The following NIPA1 variants were observed in gnomAD, a reference collection of about 807,000 sequenced individuals.
NIPA1 encodes the protein magnesium transporter NIPA1.
NIPA1 carries 13 observed loss-of-function variants against 23.9 expected under a neutral mutation model. That is an observed-to-expected ratio of 0.54 (90% CI 0.35 to 0.87). The LOEUF (loss-of-function observed/expected upper bound fraction) is 0.87, where lower values mean the gene tolerates loss of function less well. Ranked by LOEUF, NIPA1 falls within the 40% of genes least tolerant of loss-of-function variation. NIPA1 has a pLI of 0.01. For synonymous variants in NIPA1, 234 were observed against 202.9 expected, an observed-to-expected ratio of 1.15 and a Z score of -1.30; for missense variants, 362 against 429.7, an observed-to-expected ratio of 0.84 and a Z score of 1.39.
At chr15:22,786,342 A>AC (rs1427120752), upstream of NIPA1, 1 of 152,756 alleles carries the variant, frequency 6.5e-6, no homozygotes, top group African/African-American at 2.4e-5. Context: ...TGCAGAGGAC[A>AC]CCACTCAGAA....
At chr15:22,810,918 C>A in intron 2 of NIPA1, 122 bp downstream of exon 2, 1 of 804,814 alleles carries the variant, frequency 1.2e-6, no homozygotes, top group Non-Finnish European at 2.2e-6. Flanking sequence ...GTCGCGTGGC[C>A]TCTCCCCAGG....
intron 1 of NIPA1, among the ~76,000 whole-genome samples, chr15:22,798,335 G>T (rs1335494404): frequency 1.3e-5 from 2 of 148,892 alleles, no homozygotes; most frequent in African/African-American, 2.5e-5. Flanking sequence ...CGCTTCCCGG[G>T]TTCACACCAT....
intron 1 of NIPA1, among the ~76,000 whole-genome samples, chr15:22,793,572 C>G (rs1054051333): frequency 2.6e-5 from 4 of 151,826 alleles, no homozygotes; most frequent in African/African-American, 9.7e-5. Context: ...TCCCGAGTAG[C>G]TGGGACTACA....
At chr15:22,800,703 C>T (rs1422706491) in intron 1 of NIPA1, among the ~76,000 whole-genome samples, 1 of 151,884 alleles carries the variant, frequency 6.6e-6, no homozygotes, top group East Asian at 1.9e-4. Flanking sequence ...CCGAGGTGGG[C>T]ATATCACAAG....
intron 1 of NIPA1, among the ~76,000 whole-genome samples, chr15:22,801,795 G>A (rs574223498): frequency 6.6e-6 from 1 of 152,180 alleles, no homozygotes; most frequent in African/African-American, 2.4e-5. Flanking sequence ...GATTACAGGC[G>A]TGAGCCACTG....
At chr15:22,816,143 G>T (rs1016181188) in intron 3 of NIPA1, among the ~76,000 whole-genome samples, 1 of 149,224 alleles carries the variant, frequency 6.7e-6, no homozygotes, top group African/African-American at 2.5e-5. Flanking sequence ...GAAAGGAAAG[G>T]AAGAATTTAA....
chr15:22,812,966 C>T (rs1442784663), intron 3 of NIPA1, among the ~76,000 whole-genome samples: 1 of 152,162 alleles, frequency 6.6e-6, no homozygotes, highest in Non-Finnish European at 1.5e-5. Flanking sequence ...ACAGTCCCCA[C>T]CTCAGCCCAG....
At chr15:22,799,364 A>G (rs147070709) in intron 1 of NIPA1, among the ~76,000 whole-genome samples, 9 of 152,318 alleles carry the variant, frequency 5.9e-5, no homozygotes, top group African/African-American at 9.6e-5. Context: ...AGCTAAACAC[A>G]TAGACATAAA....
rs1055901739 is a variant in NIPA1, at chr15:22,808,541, A to G, written c.179-2208A>G. ...CAGTGTCCATCAGGCTTATCTATAAAGATAACTTTTTCTGTTCATAATTAA... is the reference window on the plus strand; with the variant it reads ...CAGTGTCCATCAGGCTTATCTATAAGGATAACTTTTTCTGTTCATAATTAA... On this transcript the variant is annotated intron_variant, in intron 1 of 4. Coordinates refer to ENST00000337435, the MANE Select transcript of NIPA1 (RefSeq NM_144599.5). 3.5e-4 allele frequency among the ~76,000 whole-genome samples: 53 copies of G among 152,346 alleles called. 1 individual carries two copies. The highest frequency in any genetic ancestry group is 1.3e-3 in the African/African-American group (53 of 41,580).
intron 1 of NIPA1, among the ~76,000 whole-genome samples, chr15:22,801,170 C>G (rs1338756405): frequency 6.6e-6 from 1 of 152,040 alleles, no homozygotes; most frequent in African/African-American, 2.4e-5. Context: ...GAGCTTGTCC[C>G]CCTGTTAGAT....
In NIPA1 at chr15:22,827,543, C is replaced by T. The variant is rs530983460; in HGVS notation, c.*3304C>T. On this transcript the variant is annotated 3_prime_UTR_variant, in exon 5 of 5. Transcript: ENST00000337435. ...TATCAGAATGTTAGTGAATATACTTCGCAGCTCTTTGTTCAGCAATAAGGA... is the reference window on the plus strand; with the variant it reads ...TATCAGAATGTTAGTGAATATACTTTGCAGCTCTTTGTTCAGCAATAAGGA... 4 of 152,296 alleles carry T rather than the reference C, an allele frequency of 2.6e-5. No homozygotes were observed. The highest frequency in any genetic ancestry group is 4.8e-5 in the African/African-American group (2 of 41,566). The allele number at this position is 152,296 out of a possible 1,614,324, so 9.4% of individuals were successfully genotyped here. A position where few individuals can be genotyped will look rare whatever the true frequency, so the allele number is the denominator to read the frequency against.
At position 22,786,788 on chromosome 15, in the gene NIPA1, C is replaced by T. The variant is rs1250958777; in HGVS notation, c.132C>T (p.Ser44=). Residue 44 remains serine, a synonymous_variant, in exon 1 of 5, where the codon TCC becomes TCT. Coordinates refer to ENST00000337435, the MANE Select transcript of NIPA1 (RefSeq NM_144599.5). The part of the protein sequence containing the change: ...VAVVSSLVNG[S]TFVLQKKGIV... ...TCGTGTCGAGCCTGGTGAACGGGTC[C>T]ACGTTCGTGCTACAGAAGAAGGGCA... The T allele has an allele frequency of 1.5e-6, 2 of 1,316,212 alleles. No homozygotes were observed. The highest frequency in any genetic ancestry group is 2.0e-6 in the Non-Finnish European group (2 of 1,011,482). The allele number at this position is 1,316,212 out of a possible 1,614,324, so 81.5% of individuals were successfully genotyped here. A position where few individuals can be genotyped will look rare whatever the true frequency, so the allele number is the denominator to read the frequency against.
chr15:22,805,263 C>G (rs1421547847), intron 1 of NIPA1, among the ~76,000 whole-genome samples: 3 of 152,166 alleles, frequency 2.0e-5, no homozygotes, highest in Admixed American at 1.3e-4. Flanking sequence ...AAAAGAACTT[C>G]AAATATTAAG....
chr15:22,788,783 G>A lies in NIPA1; in HGVS notation c.178+1949G>A, dbSNP rs571576264. Among the ~76,000 whole-genome samples the A allele has an allele frequency of 5.9e-5, 9 of 151,454 alleles. No individual in the cohort carries two copies. The East Asian group carries it at 6.0e-4, about 10-fold the overall frequency. On this transcript the variant is annotated intron_variant, in intron 1 of 4. Transcript: ENST00000337435. ...AAAAAAACATGATAAGCTGGGTGCA[G>A]TGGCTCACACCTGTAATCCCAGCTA...
At chr15:22,816,436 C>T (rs1272777233) in intron 3 of NIPA1, among the ~76,000 whole-genome samples, 7 of 147,730 alleles carry the variant, frequency 4.7e-5, no homozygotes, top group Non-Finnish European at 1.5e-5. Context: ...GTCTGCCTGC[C>T]TCGGCCTCCC....
chr15:22,810,001 G>A (rs1298913436), intron 1 of NIPA1, among the ~76,000 whole-genome samples: 4 of 152,066 alleles, frequency 2.6e-5, no homozygotes, highest in African/African-American at 9.7e-5. Flanking sequence ...AGCCGACATC[G>A]CGCCATTGCA....
At chr15:22,801,099 A>G (rs932823421) in intron 1 of NIPA1, among the ~76,000 whole-genome samples, 4 of 150,698 alleles carry the variant, frequency 2.7e-5, no homozygotes, top group African/African-American at 9.8e-5. Flanking sequence ...AAGAGGCAGT[A>G]TACACTGAGC....
chr15:22,810,737 C>T lies in NIPA1; in HGVS notation c.179-12C>T. On this transcript the variant is annotated splice_polypyrimidine_tract_variant and intron_variant, in intron 1 of 4. Transcript: ENST00000337435. ...CCCACTTTTCTGACATTTTTTATCT[C>T]ATTTTTTATAGGTACTTCCTATTTA... The T allele has an allele frequency of 6.3e-7, 1 of 1,585,580 alleles. No homozygotes were observed. The highest frequency in any genetic ancestry group is 8.7e-7 in the Non-Finnish European group (1 of 1,153,936).
chr15:22,791,916 C>G (rs1201880268), intron 1 of NIPA1, among the ~76,000 whole-genome samples: 2 of 151,314 alleles, frequency 1.3e-5, no homozygotes, highest in East Asian at 1.9e-4. Flanking sequence ...CAGGGAGCGT[C>G]CTCTACAGCA....
Sources: allele counts gnomAD v4.1 joint callset (sites outside exome capture counted in the v4.1 genomes callset), GRCh38; gene constraint gnomAD v4.1.1; transcripts MANE v1.5; gene names NCBI Gene and HGNC (gene_info 2026-07-23, HGNC 2026-07-21).